ZRANB3: variants seen among roughly 807,000 people sequenced by gnomAD.
ZRANB3 encodes the protein zinc finger RANBP2-type containing 3, also known as DNA annealing helicase and endonuclease ZRANB3.
Under a neutral mutation model 133.8 loss-of-function variants are expected in ZRANB3, and 125 were observed. The ratio of observed to expected loss-of-function variants is 0.93; its 90% CI spans 0.81 to 1.08. The LOEUF is 1.08. Ranked by LOEUF, ZRANB3 falls within the 50% of genes least tolerant of loss-of-function variation. The probability of loss-of-function intolerance (pLI) is 0.00; values close to 1 mark genes in which losing one functional copy is unlikely to be tolerated. For missense variants in ZRANB3, 1,229 were observed against 1,275.5 expected, an observed-to-expected ratio of 0.96 and a Z score of 0.56; for synonymous variants, 387 against 432.7, an observed-to-expected ratio of 0.89 and a Z score of 1.31.
chr2:135,388,247 T>C (rs1687069923), intron 3 of ZRANB3, among the ~76,000 whole-genome samples: 1 of 152,174 alleles, frequency 6.6e-6, no homozygotes, highest in Non-Finnish European at 1.5e-5. Flanking sequence ...ACCCCCATGA[T>C]TCAACTATCC....
chr2:135,375,062 T>G (rs1041048153), intron 3 of ZRANB3, among the ~76,000 whole-genome samples: 2 of 152,146 alleles, frequency 1.3e-5, no homozygotes, highest in African/African-American at 4.8e-5. Flanking sequence ...CTAGTGAGGA[T>G]GCAGAGCAAG....
chr2:135,321,248 T>C (rs934194633), intron 6 of ZRANB3, among the ~76,000 whole-genome samples: 3 of 152,310 alleles, frequency 2.0e-5, no homozygotes, highest in African/African-American at 4.8e-5. Flanking sequence ...CCAGCAGCAA[T>C]GTAAGCAATG....
chr2:135,240,736 G>C (rs1307806248), intron 12 of ZRANB3, among the ~76,000 whole-genome samples: 1 of 152,094 alleles, frequency 6.6e-6, no homozygotes, highest in African/African-American at 2.4e-5. Flanking sequence ...ATGCCACCAT[G>C]CCTGGCTAAT....
intron 2 of ZRANB3, among the ~76,000 whole-genome samples, chr2:135,422,156 A>T (rs1287398889): frequency 6.6e-6 from 1 of 151,652 alleles, no homozygotes; most frequent in African/African-American, 2.4e-5. Context: ...TCTTTTTTTA[A>T]TTCTCTTGAC....
At chr2:135,424,491 G>A (rs1356054333) in intron 2 of ZRANB3, among the ~76,000 whole-genome samples, 1 of 152,204 alleles carries the variant, frequency 6.6e-6, no homozygotes, top group Non-Finnish European at 1.5e-5. Context: ...CCAGCACTCT[G>A]GGATGCCGAG....
intron 18 of ZRANB3, among the ~76,000 whole-genome samples, chr2:135,208,415 A>G (rs1438135573): frequency 1.3e-5 from 2 of 152,240 alleles, no homozygotes; most frequent in Non-Finnish European, 2.9e-5. Context: ...ACAAAACATG[A>G]TAGGATATGT....
intron 2 of ZRANB3, among the ~76,000 whole-genome samples, chr2:135,425,368 G>T (rs1689021025): frequency 6.6e-6 from 1 of 151,928 alleles, no homozygotes; most frequent in South Asian, 2.1e-4. Context: ...TGAAAGTATT[G>T]AGAAGAGATT....
chr2:135,464,536 T>C (rs975714587), intron 2 of ZRANB3, among the ~76,000 whole-genome samples: 17 of 152,192 alleles, frequency 1.1e-4, no homozygotes, highest in African/African-American at 3.9e-4. Context: ...AGTGAGAAAT[T>C]TGGCAATGTT....
At position 135,519,177 on chromosome 2, in the gene ZRANB3, G is replaced by A. The variant is rs555560740; in HGVS notation, c.-8+11950C>T. ...GCAACATGAGGGATCCTCCTGGGAT[G>A]GAAATGTTCTCTATTTTGACTGTGT... On this transcript the variant is annotated intron_variant, in intron 1 of 20. Coordinates refer to ENST00000264159, the MANE Select transcript of ZRANB3 (RefSeq NM_032143.4). Among the ~76,000 whole-genome samples the A allele has an allele frequency of 7.6e-4, 116 of 152,242 alleles. 1 individual carries two copies. The highest frequency in any genetic ancestry group is 1.2e-3 in the South Asian group (6 of 4,830).
chr2:135,409,943 A>G (rs1418122723), intron 2 of ZRANB3, among the ~76,000 whole-genome samples: 1 of 152,128 alleles, frequency 6.6e-6, no homozygotes, highest in Non-Finnish European at 1.5e-5. Context: ...AAAGATCTCT[A>G]TAAGGAGAAC....
rs60788576 is a variant in ZRANB3 at position 135,418,925 on chromosome 2, C to CTCTT, written c.162-28106_162-28105insAAGA. 4.9e-3 allele frequency among the ~76,000 whole-genome samples: 418 copies of CTCTT among 85,964 alleles called. 5 individuals carry two copies. The highest frequency in any genetic ancestry group is 0.015 in the South Asian group (27 of 1,842). The allele number at this position is 85,964 out of a possible 152,430, so 56.4% of individuals were successfully genotyped here. A position where few individuals can be genotyped will look rare whatever the true frequency, so the allele number is the denominator to read the frequency against. On this transcript the variant is annotated intron_variant, in intron 2 of 20. Transcript: ENST00000264159. Reference sequence around the variant, plus strand: ...AAGTAATGAAAAATAAGGATTCTCTCTTTTTTTTTTTTTTTTTTTTTTTTT... The same window carrying CTCTT: ...AAGTAATGAAAAATAAGGATTCTCTCTCTTTTTTTTTTTTTTTTTTTTTTTTTTT...
intron 2 of ZRANB3, among the ~76,000 whole-genome samples, chr2:135,487,864 T>C (rs1275099407): frequency 6.6e-6 from 1 of 152,222 alleles, no homozygotes; most frequent in Non-Finnish European, 1.5e-5. Context: ...ATTTGTATAC[T>C]GGAGGAGTAC....
intron 13 of ZRANB3, among the ~76,000 whole-genome samples, chr2:135,229,492 C>A (rs936941356): frequency 6.6e-6 from 1 of 151,430 alleles, no homozygotes; most frequent in Non-Finnish European, 1.5e-5. Flanking sequence ...CTCAGCCTCC[C>A]GAGTAGCTGG....
intron 8 of ZRANB3, among the ~76,000 whole-genome samples, chr2:135,309,249 G>A (rs1682853705): frequency 6.6e-6 from 1 of 152,052 alleles, no homozygotes; most frequent in South Asian, 2.1e-4. Flanking sequence ...CCAAAGTGCT[G>A]GGATTACAGG....
At chr2:135,233,897 A>G (rs1695158734) in intron 12 of ZRANB3, among the ~76,000 whole-genome samples, 1 of 152,216 alleles carries the variant, frequency 6.6e-6, no homozygotes, top group African/African-American at 2.4e-5. Flanking sequence ...AACGAGCAAA[A>G]TAACCAGCTA....
chr2:135,392,930 G>A (rs570500945), intron 2 of ZRANB3, among the ~76,000 whole-genome samples: 1 of 151,602 alleles, frequency 6.6e-6, no homozygotes, highest in South Asian at 2.1e-4. Flanking sequence ...TCAGGCTAGA[G>A]GGCAGTGGCA....
intron 1 of ZRANB3, among the ~76,000 whole-genome samples, chr2:135,505,800 T>C (rs1574221346): frequency 6.6e-6 from 1 of 152,080 alleles, no homozygotes; most frequent in African/African-American, 2.4e-5. Context: ...AACTAAAAAT[T>C]AGCAAATAAA....
At chr2:135,224,542 C>G (rs1461198246) in intron 14 of ZRANB3, 25 bp from the exon 15 acceptor site, 1 of 1,573,878 alleles carries the variant, frequency 6.4e-7, no homozygotes, top group Non-Finnish European at 8.7e-7. Context: ...AAAAGAGAAC[C>G]TGAAGGCTTA....
chr2:135,403,903 A>G (rs566902179), intron 2 of ZRANB3, among the ~76,000 whole-genome samples: 60 of 152,360 alleles, frequency 3.9e-4, no homozygotes, highest in South Asian at 8.3e-4. Context: ...TGACTGTTAG[A>G]AGGAAAACTA....
Sources: allele counts gnomAD v4.1 joint callset (sites outside exome capture counted in the v4.1 genomes callset), GRCh38; gene constraint gnomAD v4.1.1; transcripts MANE v1.5; gene names NCBI Gene and HGNC (gene_info 2026-07-23, HGNC 2026-07-21).